Variants in PRMT3 observed in about 807,000 individuals in gnomAD.
PRMT3 encodes protein arginine methyltransferase 3, also known as protein arginine N-methyltransferase 3.
In PRMT3, 62 loss-of-function variants were observed where a neutral mutation model predicts 71.9. That is an observed-to-expected ratio of 0.86 (90% CI 0.70 to 1.07). The LOEUF (loss-of-function observed/expected upper bound fraction) is 1.07, where lower values mean the gene tolerates loss of function less well. Ranked by LOEUF, PRMT3 falls within the 50% of genes least tolerant of loss-of-function variation. The probability of loss-of-function intolerance (pLI) is 0.00; values close to 1 mark genes in which losing one functional copy is unlikely to be tolerated. For synonymous variants in PRMT3, 213 were observed against 220.4 expected, an observed-to-expected ratio of 0.97 and a Z score of 0.30; for missense variants, 663 against 643.0, an observed-to-expected ratio of 1.03 and a Z score of -0.34.
At chr11:20,482,068 A>C (rs1850949781) in intron 13 of PRMT3, among the ~76,000 whole-genome samples, 1 of 152,118 alleles carries the variant, frequency 6.6e-6, no homozygotes. Flanking sequence ...GAGAGAATGC[A>C]AAAGTCCACA....
chr11:20,393,203 C>T (rs1290972811), intron 5 of PRMT3, among the ~76,000 whole-genome samples: 6 of 152,154 alleles, frequency 3.9e-5, no homozygotes, highest in Admixed American at 3.3e-4. Flanking sequence ...AATCCCAACA[C>T]TTTGGGAGGC....
At chr11:20,443,351 ATTTG>A (rs909769011) in intron 10 of PRMT3, among the ~76,000 whole-genome samples, 10 of 152,108 alleles carry the variant, frequency 6.6e-5, no homozygotes, top group African/African-American at 2.4e-4. Flanking sequence ...CTGTAGATAT[ATTTG>A]TTTGTCCCAG....
At chr11:20,486,669 A>G (rs1851080413) in intron 13 of PRMT3, among the ~76,000 whole-genome samples, 1 of 152,164 alleles carries the variant, frequency 6.6e-6, no homozygotes, top group Non-Finnish European at 1.5e-5. Context: ...AAAAAAAGAC[A>G]GAAGAAATTG....
chr11:20,483,392 A>G (rs945430928), intron 13 of PRMT3, among the ~76,000 whole-genome samples: 6 of 152,022 alleles, frequency 3.9e-5, no homozygotes, highest in Admixed American at 6.6e-5. Context: ...TTTTGCATGG[A>G]TAGTTTTGGG....
At chr11:20,472,172 C>A (rs1850662260) in intron 13 of PRMT3, among the ~76,000 whole-genome samples, 1 of 152,186 alleles carries the variant, frequency 6.6e-6, no homozygotes, top group Admixed American at 6.5e-5. Context: ...TCCTCTCTTA[C>A]TATTTAAATA....
chr11:20,408,158 C>A, intron 9 of PRMT3, 126 bp downstream of exon 9: 1 of 579,266 alleles, frequency 1.7e-6, no homozygotes, highest in East Asian at 3.5e-5. Flanking sequence ...AAAATTCACT[C>A]CAGAATAATA....
intron 7 of PRMT3, among the ~76,000 whole-genome samples, chr11:20,402,041 CCA>C (rs1483174903): frequency 8.6e-5 from 13 of 152,046 alleles, no homozygotes; most frequent in Non-Finnish European, 1.5e-4. Flanking sequence ...TGAAACGTAT[CCA>C]GTTTAGTGTA....
chr11:20,469,189 A>C (rs1420755001), intron 13 of PRMT3, among the ~76,000 whole-genome samples: 2 of 152,338 alleles, frequency 1.3e-5, no homozygotes, highest in East Asian at 3.9e-4. Flanking sequence ...TGCTTAACCT[A>C]GCCAAAAATG....
Position 20,387,871 on chromosome 11 carries a change from G to A in PRMT3, c.28+97G>A. 1.1e-5 allele frequency: 17 copies of A among 1,535,722 alleles called. No individual in the cohort carries two copies. The highest frequency in any genetic ancestry group is 1.4e-5 in the Non-Finnish European group (16 of 1,140,556). On this transcript the variant is annotated intron_variant, in intron 1 of 15. Transcript: ENST00000331079. The surrounding 1 kb of genome is among the most constrained non-coding windows in gnomAD (Gnocchi z 4.3). Reference sequence around the variant, plus strand: ...CCCTCCGGGACACGGGCCCGGGCAGGGTGGGGGGCTCGCAGGGATCATGAA... The same window carrying A: ...CCCTCCGGGACACGGGCCCGGGCAGAGTGGGGGGCTCGCAGGGATCATGAA...
At chr11:20,433,629 T>C (rs150229579) in intron 10 of PRMT3, among the ~76,000 whole-genome samples, 1,690 of 152,208 alleles carry the variant, frequency 0.011, 29 homozygotes, top group African/African-American at 0.037. Flanking sequence ...GTTTTGTTTT[T>C]GTTTTTTTTA....
intron 10 of PRMT3, among the ~76,000 whole-genome samples, chr11:20,451,921 A>AG (rs1850157863): frequency 6.6e-6 from 1 of 152,152 alleles, no homozygotes; most frequent in Non-Finnish European, 1.5e-5. Flanking sequence ...ATTTTACCAC[A>AG]ATAAACTTTC....
intron 13 of PRMT3, among the ~76,000 whole-genome samples, chr11:20,473,952 G>A (rs1342003108): frequency 6.6e-6 from 1 of 152,008 alleles, no homozygotes. Flanking sequence ...TTAACAGTAG[G>A]TCCATTCCAG....
Position 20,397,539 on chromosome 11 carries a change from T to A in PRMT3, c.561-38T>A, listed in dbSNP as rs1224809261. On this transcript the variant is annotated intron_variant, in intron 6 of 15. Coordinates refer to ENST00000331079, the MANE Select transcript of PRMT3 (RefSeq NM_005788.4). ...AGCCTTTCCTTTATTCATGGTCCAA[T>A]AAACCTGTCTCAAGGGTGTATTTCA... The A allele has an allele frequency of 1.9e-6, 3 of 1,608,560 alleles. No homozygotes were observed. The African/African-American group carries it at 4.0e-5, about 22-fold the overall frequency.
chr11:20,486,361 A>C (rs181889958), intron 13 of PRMT3, among the ~76,000 whole-genome samples: 1 of 152,218 alleles, frequency 6.6e-6, no homozygotes, highest in African/African-American at 2.4e-5. Context: ...ACACCTAGAC[A>C]TATCCTAGTG....
chr11:20,488,043 CA>C (rs1851119602), intron 13 of PRMT3, among the ~76,000 whole-genome samples: 1 of 152,122 alleles, frequency 6.6e-6, no homozygotes, highest in African/African-American at 2.4e-5. Context: ...CTCAATCTGG[CA>C]GTATCTCTTG....
intron 2 of PRMT3, 87 bp downstream of exon 2, chr11:20,388,241 C>T (rs1366193056): frequency 1.9e-6 from 3 of 1,576,468 alleles, no homozygotes; most frequent in Non-Finnish European, 2.6e-6. Flanking sequence ...GGGCGGGAGG[C>T]AAGCCAGAGT....
chr11:20,504,272 G>A (rs1051601767), intron 15 of PRMT3, among the ~76,000 whole-genome samples: 3 of 151,990 alleles, frequency 2.0e-5, no homozygotes, highest in Non-Finnish European at 4.4e-5. Context: ...CGATTTAATC[G>A]CCTTGGCTCC....
At chr11:20,391,228 C>A (rs1405363280) in intron 3 of PRMT3, among the ~76,000 whole-genome samples, 1 of 152,066 alleles carries the variant, frequency 6.6e-6, no homozygotes, top group Non-Finnish European at 1.5e-5. Flanking sequence ...ATGACAGCCT[C>A]ATTTTTTAAT....
At chr11:20,394,577 A>C (rs374688560) in intron 5 of PRMT3, among the ~76,000 whole-genome samples, 2 of 152,170 alleles carry the variant, frequency 1.3e-5, no homozygotes, top group Admixed American at 6.5e-5. Flanking sequence ...TAACATCATC[A>C]CCTCACATTC....
Sources: gnomAD v4.1 joint callset for allele counts (sites outside exome capture counted in the v4.1 genomes callset) on GRCh38, gnomAD v4.1.1 for gene constraint, Gnocchi (gnomAD v3.1) non-coding constraint, MANE v1.5 for transcripts, NCBI Gene and HGNC (gene_info 2026-07-23, HGNC 2026-07-21) for gene names.